The following NALCN variants were observed in gnomAD, a reference collection of about 807,000 sequenced individuals.
NALCN encodes sodium leak channel NALCN.
Under a neutral mutation model 225.3 loss-of-function variants are expected in NALCN, and 111 were observed. The observed-to-expected ratio is 0.49, with a 90% confidence interval of 0.42 to 0.58. The LOEUF is 0.58. NALCN is among the 20% of genes least tolerant of loss of function. The pLI, the probability that NALCN is intolerant of heterozygous loss-of-function variation, is 0.00. For missense variants in NALCN, 1,378 were observed against 2,202.4 expected, an observed-to-expected ratio of 0.63 and a Z score of 7.49; for synonymous variants, 764 against 769.0, an observed-to-expected ratio of 0.99 and a Z score of 0.11.
intron 1 of NALCN, among the ~76,000 whole-genome samples, chr13:101,414,922 C>A (rs1311161314): frequency 6.6e-6 from 1 of 151,446 alleles, no homozygotes; most frequent in Non-Finnish European, 1.5e-5. Flanking sequence ...TGTCTTCACA[C>A]TGTCTGGTTT....
At chr13:101,216,465 A>C (rs1411522103) in intron 13 of NALCN, among the ~76,000 whole-genome samples, 2 of 152,086 alleles carry the variant, frequency 1.3e-5, no homozygotes, top group African/African-American at 4.8e-5. Context: ...GGTCTATTGC[A>C]ATTTAGTGTT....
intron 1 of NALCN, 104 bp from the exon 2 acceptor site, chr13:101,399,269 C>T (rs577504192): frequency 1.5e-6 from 1 of 671,606 alleles, no homozygotes; most frequent in East Asian, 2.9e-5. Flanking sequence ...TATATGTGTT[C>T]TACTCCATAG....
chr13:101,220,046 C>T (rs534784302), intron 13 of NALCN, among the ~76,000 whole-genome samples: 28 of 152,304 alleles, frequency 1.8e-4, no homozygotes, highest in African/African-American at 6.3e-4. Context: ...GTGCCCTCCC[C>T]AAGCCTCCCA....
intron 3 of NALCN, among the ~76,000 whole-genome samples, chr13:101,388,007 T>C (rs963486521): frequency 1.3e-5 from 2 of 152,176 alleles, no homozygotes; most frequent in Admixed American, 1.3e-4. Context: ...ATATACTCTT[T>C]GAGCTGTATC....
At chr13:101,395,397 A>G (rs766748388) in intron 2 of NALCN, 32 bp from the exon 3 acceptor site, 1 of 1,594,208 alleles carries the variant, frequency 6.3e-7, no homozygotes, top group Admixed American at 1.7e-5. Context: ...ACTACACGGC[A>G]CCATAACTGA....
intron 18 of NALCN, among the ~76,000 whole-genome samples, chr13:101,114,598 G>A (rs1040520353): frequency 9.9e-5 from 15 of 152,074 alleles, no homozygotes; most frequent in African/African-American, 2.9e-4. Flanking sequence ...ACGAGGAACT[G>A]AATCCACTAA....
intron 34 of NALCN, among the ~76,000 whole-genome samples, chr13:101,080,344 A>G (rs777725601): frequency 6.6e-6 from 1 of 152,092 alleles, no homozygotes; most frequent in Non-Finnish European, 1.5e-5. Flanking sequence ...AATGTAAGAT[A>G]CATACTCAGC....
chr13:101,392,197 T>C (rs1011450643), intron 3 of NALCN, among the ~76,000 whole-genome samples: 2 of 152,044 alleles, frequency 1.3e-5, no homozygotes, highest in Non-Finnish European at 2.9e-5. Context: ...TGTGCATACA[T>C]GCCCGCCACC....
intron 42 of NALCN, 131 bp from the exon 43 acceptor site, chr13:101,058,187 G>A (rs2031501027): frequency 1.4e-6 from 1 of 723,962 alleles, no homozygotes; most frequent in African/African-American, 1.8e-5. Context: ...TGTCCACAAT[G>A]GGGAAAAGTG....
rs117527990 is a variant in NALCN, at chr13:101,398,070, G to A, written c.108+949C>T. Among the ~76,000 whole-genome samples the A allele has an allele frequency of 7.9e-3, 1,205 of 152,290 alleles. 5 individuals carry two copies. The highest frequency in any genetic ancestry group is 0.013 in the Non-Finnish European group (868 of 68,020). On this transcript the variant is annotated intron_variant, in intron 2 of 43. Transcript: ENST00000251127. ...GACAGTGTGCTGACACAGGAAAGGAGCAGTTGCTGGACAGGTTAGGTCCTG... is the reference window on the plus strand; with the variant it reads ...GACAGTGTGCTGACACAGGAAAGGAACAGTTGCTGGACAGGTTAGGTCCTG...
intron 1 of NALCN, among the ~76,000 whole-genome samples, chr13:101,404,726 T>A (rs1239771834): frequency 6.6e-6 from 1 of 152,242 alleles, no homozygotes; most frequent in Non-Finnish European, 1.5e-5. Context: ...TGTAACCAGA[T>A]TTTTTAAATC....
chr13:101,072,391 T>C (rs899786688), intron 37 of NALCN, among the ~76,000 whole-genome samples: 2 of 152,190 alleles, frequency 1.3e-5, no homozygotes, highest in Admixed American at 6.5e-5. Flanking sequence ...AACACTGTTA[T>C]GGGATGCTAT....
intron 42 of NALCN, chr13:101,058,311 C>A (rs1272977853): frequency 4.9e-6 from 2 of 406,236 alleles, no homozygotes; most frequent in Non-Finnish European, 8.7e-6. Flanking sequence ...TGCTTCGTTC[C>A]CCTCCATGCC....
rs182619324 is a variant in NALCN, at chr13:101,076,012, C to A, written c.3886-71G>T. 3.9e-4 allele frequency: 523 copies of A among 1,339,038 alleles called. 2 individuals carry two copies. The African/African-American group carries it at 7.2e-3, about 18-fold the overall frequency. 82.9% of individuals were successfully genotyped at this position (1,339,038 alleles called of 1,614,324 possible). ...TCTTGTTACAGTTCCATTTTTTAAG[C>A]CTTCTGTGAAGTATACTGAATAATT... On this transcript the variant is annotated intron_variant, in intron 34 of 43. Coordinates refer to ENST00000251127, the MANE Select transcript of NALCN (RefSeq NM_052867.4).
chr13:101,187,951 A>G (rs564826110), intron 14 of NALCN, among the ~76,000 whole-genome samples: 2 of 152,168 alleles, frequency 1.3e-5, no homozygotes, highest in Non-Finnish European at 2.9e-5. Context: ...CAGGTTGTAT[A>G]ATACAGGTGG....
chr13:101,177,317 TA>T (rs1365258776), intron 14 of NALCN, among the ~76,000 whole-genome samples: 2 of 151,834 alleles, frequency 1.3e-5, no homozygotes, highest in Admixed American at 1.3e-4. Flanking sequence ...GGTAGGCTTC[TA>T]ATGTGTGGGT....
At chr13:101,223,747 A>G (rs2041035009) in intron 13 of NALCN, among the ~76,000 whole-genome samples, 1 of 152,090 alleles carries the variant, frequency 6.6e-6, no homozygotes, top group African/African-American at 2.4e-5. Context: ...TCTCACATAA[A>G]CCTTTAATGC....
At chr13:101,408,783 A>G (rs145612327) in intron 1 of NALCN, among the ~76,000 whole-genome samples, 1 of 152,206 alleles carries the variant, frequency 6.6e-6, no homozygotes, top group African/African-American at 2.4e-5. Context: ...AGCTCTGCAA[A>G]AAACAGAATT....
intron 15 of NALCN, among the ~76,000 whole-genome samples, chr13:101,165,945 G>A (rs988300237): frequency 1.3e-5 from 2 of 152,180 alleles, no homozygotes; most frequent in African/African-American, 2.4e-5. Context: ...TCTGTCTTCT[G>A]TTTCTCTGAA....
Sources: gnomAD v4.1 joint callset for allele counts (sites outside exome capture counted in the v4.1 genomes callset) on GRCh38, gnomAD v4.1.1 for gene constraint, MANE v1.5 for transcripts, NCBI Gene and HGNC (gene_info 2026-07-23, HGNC 2026-07-21) for gene names.